SEMA6D: variants seen among roughly 807,000 people sequenced by gnomAD.
SEMA6D encodes the protein semaphorin-6D.
A neutral mutation model predicts 106.6 loss-of-function variants in SEMA6D; 35 were observed. That is an observed-to-expected ratio of 0.33 (90% CI 0.25 to 0.44). SEMA6D has a LOEUF of 0.44. SEMA6D is among the 20% of genes least tolerant of loss of function. SEMA6D has a pLI of 1.00. For synonymous variants in SEMA6D, 499 were observed against 487.7 expected (o/e 1.02, Z -0.31); for missense variants, 1,185 against 1,345.9 (o/e 0.88, Z 1.87).
At chr15:47,464,075 C>T (rs1178119172) in intron 2 of SEMA6D, among the ~76,000 whole-genome samples, 1 of 152,104 alleles carries the variant, frequency 6.6e-6, no homozygotes, top group Admixed American at 6.6e-5. Context: ...TACTCATTCA[C>T]ATATTTTGCT....
chr15:47,184,439 C>T (rs1275127711), intron 1 of SEMA6D: 1 of 152,298 alleles, frequency 6.6e-6, no homozygotes, highest in African/African-American at 2.4e-5. Flanking sequence ...CCTTTTCTCT[C>T]CATTTCTCCT....
At position 47,227,348 on chromosome 15, in the gene SEMA6D, T is replaced by C. The variant is rs41420844; in HGVS notation, c.-239+42930T>C. Among the ~76,000 whole-genome samples, 615 of 152,122 alleles carry C rather than the reference T, an allele frequency of 4.0e-3. 44 individuals carry two copies. In the East Asian group the frequency reaches 0.1, roughly 26 times the overall value. ...TTGGAGAGCTGTTTCTGGTTTGCTC[T>C]GATTTGTGATGTGTCTCTTCCTTTT... is the stretch of plus-strand genomic sequence containing the variant. On this transcript the variant is annotated intron_variant, in intron 1 of 19. Coordinates refer to the SEMA6D transcript ENST00000558014.
chr15:47,367,980 A>T (rs1002231432), intron 1 of SEMA6D, among the ~76,000 whole-genome samples: 13 of 148,362 alleles, frequency 8.8e-5, no homozygotes, highest in African/African-American at 2.8e-4. Flanking sequence ...TTTTTTTTTC[A>T]GAAGAACATT....
intron 9 of SEMA6D, 107 bp downstream of exon 9, chr15:47,763,211 C>A: frequency 1.2e-6 from 1 of 801,286 alleles, no homozygotes; most frequent in Non-Finnish European, 1.9e-6. Flanking sequence ...GCTCTCAATT[C>A]AGTATACATA....
chr15:47,503,209 T>C (rs1442041462), intron 3 of SEMA6D, among the ~76,000 whole-genome samples: 1 of 152,218 alleles, frequency 6.6e-6, no homozygotes, highest in African/African-American at 2.4e-5. Flanking sequence ...TATCCAATAT[T>C]TTTCTGCTGA....
chr15:47,761,249 A>G (rs757331801), intron 5 of SEMA6D, 29 bp downstream of exon 5: 38 of 1,612,890 alleles, frequency 2.4e-5, no homozygotes, highest in Admixed American at 3.3e-5. Flanking sequence ...TGTCTGCTAG[A>G]TTTAGTCTTT....
At chr15:47,345,392 G>A (rs2038004444) in intron 1 of SEMA6D, among the ~76,000 whole-genome samples, 1 of 152,156 alleles carries the variant, frequency 6.6e-6, no homozygotes, top group South Asian at 2.1e-4. Flanking sequence ...ACGTGCAGAA[G>A]TAGATCTGCT....
At chr15:47,369,497 C>A (rs1227388010) in intron 1 of SEMA6D, among the ~76,000 whole-genome samples, 1 of 152,202 alleles carries the variant, frequency 6.6e-6, no homozygotes, top group Non-Finnish European at 1.5e-5. Flanking sequence ...GAATCCCAAT[C>A]TGTTATCAAG....
chr15:47,730,553 G>A (rs985425001), intron 1 of SEMA6D: 37 of 1,369,068 alleles, frequency 2.7e-5, no homozygotes, highest in African/African-American at 2.4e-4. Flanking sequence ...TGGTCTCTTC[G>A]TGGGGACATC....
chr15:47,625,982 G>A (rs73390992), intron 4 of SEMA6D, among the ~76,000 whole-genome samples: 4 of 152,162 alleles, frequency 2.6e-5, no homozygotes, highest in African/African-American at 7.2e-5. Flanking sequence ...CTCAGGGCTT[G>A]AAGAGACCAG....
chr15:47,429,241 GC>G (rs2041446704), intron 2 of SEMA6D, among the ~76,000 whole-genome samples: 1 of 152,066 alleles, frequency 6.6e-6, no homozygotes, highest in African/African-American at 2.4e-5. Flanking sequence ...TCCTGGCTCT[GC>G]TGCTTACTAC....
At chr15:47,592,989 G>A (rs2076466901) in intron 3 of SEMA6D, among the ~76,000 whole-genome samples, 1 of 152,120 alleles carries the variant, frequency 6.6e-6, no homozygotes, top group Admixed American at 6.5e-5. Context: ...ATCATACAAA[G>A]ATAGATTTGC....
At chr15:47,301,607 A>G (rs1451844950) in intron 1 of SEMA6D, among the ~76,000 whole-genome samples, 1 of 152,176 alleles carries the variant, frequency 6.6e-6, no homozygotes, top group African/African-American at 2.4e-5. Flanking sequence ...ATCTAAGCTC[A>G]TTGCTGCCTT....
At chr15:47,500,098 A>T (rs1257996126) in intron 3 of SEMA6D, among the ~76,000 whole-genome samples, 1 of 152,150 alleles carries the variant, frequency 6.6e-6, no homozygotes, top group African/African-American at 2.4e-5. Context: ...AGCCAGTTTC[A>T]TAGCCAGTCA....
intron 2 of SEMA6D, among the ~76,000 whole-genome samples, chr15:47,414,451 GA>G (rs1170068858): frequency 2.0e-5 from 3 of 151,772 alleles, no homozygotes; most frequent in Non-Finnish European, 4.4e-5. Flanking sequence ...ATGTGAGGAG[GA>G]AAAAAAAGTA....
intron 1 of SEMA6D, among the ~76,000 whole-genome samples, chr15:47,328,033 C>CA (rs1181038294): frequency 6.6e-6 from 1 of 152,100 alleles, no homozygotes. Context: ...TAAGAGAATA[C>CA]AAATTTGAAT....
chr15:47,350,783 T>G (rs1185682469), intron 1 of SEMA6D, among the ~76,000 whole-genome samples: 1 of 152,224 alleles, frequency 6.6e-6, no homozygotes, highest in Non-Finnish European at 1.5e-5. Flanking sequence ...TGTTTGAACG[T>G]TAGTGAAAGT....
intron 1 of SEMA6D, among the ~76,000 whole-genome samples, chr15:47,207,993 G>GCGCACACACACACACACACACACACACA (rs1424944556): frequency 2.2e-5 from 2 of 89,396 alleles, no homozygotes; most frequent in African/African-American, 4.1e-5. Context: ...TGGCGCGCGC[G>GCGCACACACACACACACACACACACACA]CACACACACA....
intron 3 of SEMA6D, among the ~76,000 whole-genome samples, chr15:47,550,049 C>G (rs2045636676): frequency 6.6e-6 from 1 of 152,122 alleles, no homozygotes; most frequent in African/African-American, 2.4e-5. Flanking sequence ...AAGTATTGGC[C>G]TTTTGAGACA....
Sources: allele counts gnomAD v4.1 joint callset (sites outside exome capture counted in the v4.1 genomes callset), GRCh38; gene constraint gnomAD v4.1.1; transcripts MANE v1.5; gene names NCBI Gene and HGNC (gene_info 2026-07-23, HGNC 2026-07-21).